Variants in EYA4 observed in about 807,000 individuals in gnomAD.
The protein encoded by EYA4 is protein phosphatase EYA4.
Under a neutral mutation model 87.9 loss-of-function variants are expected in EYA4, and 31 were observed. That is an observed-to-expected ratio of 0.35 (90% CI 0.27 to 0.48). EYA4 has a LOEUF of 0.48. Among genes scored for constraint, EYA4 ranks in the 20% least tolerant of loss-of-function variants. The pLI, the probability that EYA4 is intolerant of heterozygous loss-of-function variation, is 0.99. For synonymous variants in EYA4, 263 were observed against 270.6 expected, an observed-to-expected ratio of 0.97 and a Z score of 0.28; for missense variants, 678 against 761.4, an observed-to-expected ratio of 0.89 and a Z score of 1.29.
intron 1 of EYA4, among the ~76,000 whole-genome samples, chr6:133,244,134 CATA>C (rs1306175541): frequency 6.6e-6 from 1 of 152,138 alleles, no homozygotes; most frequent in Non-Finnish European, 1.5e-5. Flanking sequence ...ACTTGTCTTT[CATA>C]ATAAGTAAAG....
intron 2 of EYA4, among the ~76,000 whole-genome samples, chr6:133,320,744 T>G (rs1466100710): frequency 6.6e-6 from 1 of 152,176 alleles, no homozygotes; most frequent in African/African-American, 2.4e-5. Flanking sequence ...GTGTACCCAT[T>G]GTTTAGGTCC....
At chr6:133,332,804 C>T (rs565322016) in intron 2 of EYA4, among the ~76,000 whole-genome samples, 11 of 150,442 alleles carry the variant, frequency 7.3e-5, no homozygotes, top group South Asian at 4.2e-4. Context: ...CCTCGTGATC[C>T]GCCCGCGTTG....
At chr6:133,477,207 A>C (rs1156861797) in intron 11 of EYA4, among the ~76,000 whole-genome samples, 1 of 152,116 alleles carries the variant, frequency 6.6e-6, no homozygotes, top group East Asian at 1.9e-4. Context: ...AAATGGACTA[A>C]ATGGCTGTGC....
chr6:133,315,399 G>T (rs1014146317), intron 2 of EYA4, among the ~76,000 whole-genome samples: 1 of 152,072 alleles, frequency 6.6e-6, no homozygotes, highest in African/African-American at 2.4e-5. Context: ...CTTTAATTAT[G>T]TGTAAACTTT....
intron 2 of EYA4, among the ~76,000 whole-genome samples, chr6:133,313,265 G>A (rs149325543): frequency 6.6e-6 from 1 of 152,288 alleles, no homozygotes; most frequent in East Asian, 1.9e-4. Flanking sequence ...GAGTAGGAAA[G>A]TTTGCTCCAA....
intron 1 of EYA4, among the ~76,000 whole-genome samples, chr6:133,271,034 C>T (rs370250168): frequency 1.3e-5 from 2 of 152,038 alleles, no homozygotes; most frequent in Non-Finnish European, 2.9e-5. Flanking sequence ...AAGGTAATGT[C>T]GTGGGAACAT....
At chr6:133,376,506 A>G (rs921753926) in intron 2 of EYA4, among the ~76,000 whole-genome samples, 1 of 151,908 alleles carries the variant, frequency 6.6e-6, no homozygotes, top group Non-Finnish European at 1.5e-5. Flanking sequence ...TTTTATTCCC[A>G]TTAATGTTTC....
At chr6:133,496,639 G>A (rs1368752426) in intron 13 of EYA4, among the ~76,000 whole-genome samples, 2 of 50,684 alleles carry the variant, frequency 3.9e-5, no homozygotes, top group Non-Finnish European at 7.9e-5. Context: ...CTGTGCCTAA[G>A]GGCAAACTGA....
intron 19 of EYA4, 40 bp from the exon 20 acceptor site, chr6:133,528,685 C>G (rs1800826164): frequency 7.3e-7 from 1 of 1,366,808 alleles, no homozygotes; most frequent in Non-Finnish European, 1.0e-6. Flanking sequence ...CTCATTCCTT[C>G]CCCTTCTCTC....
intron 1 of EYA4, chr6:133,247,121 CCAAA>C (rs1048277010): frequency 1.3e-5 from 2 of 151,932 alleles, no homozygotes; most frequent in Non-Finnish European, 2.9e-5. Flanking sequence ...TGAGACAAGA[CCAAA>C]CAAAGTATTG....
intron 2 of EYA4, among the ~76,000 whole-genome samples, chr6:133,364,703 G>A (rs933380582): frequency 1.3e-5 from 2 of 152,180 alleles, no homozygotes; most frequent in African/African-American, 2.4e-5. Context: ...AAAGCCAGTG[G>A]TGCACCTTTT....
intron 18 of EYA4, among the ~76,000 whole-genome samples, chr6:133,523,976 C>A (rs1583563667): frequency 6.6e-6 from 1 of 152,256 alleles, no homozygotes; most frequent in East Asian, 1.9e-4. Context: ...CAAAAATAAC[C>A]TGCCCTGGGC....
At chr6:133,493,460 A>C (rs1458134073) in intron 13 of EYA4, among the ~76,000 whole-genome samples, 1 of 152,182 alleles carries the variant, frequency 6.6e-6, no homozygotes, top group Non-Finnish European at 1.5e-5. Flanking sequence ...TGGACTAAAG[A>C]CTTAAATATA....
At position 133,528,860 on chromosome 6, in the gene EYA4, A is replaced by G; in HGVS notation, c.*55A>G. The G allele has an allele frequency of 1.2e-6, 2 of 1,610,682 alleles. No homozygotes were observed. Among genetic ancestry groups the G allele is most frequent in the African/African-American group, 1.3e-5 (1 of 74,866 alleles). On this transcript the variant is annotated 3_prime_UTR_variant, in exon 20 of 20. Transcript: ENST00000355286. ...TATATTTCAAGTACACTGAATTTTT[A>G]TGTGTGATTCAATGCCTCTGGCTCT... is the stretch of plus-strand genomic sequence containing the variant.
At chr6:133,265,393 A>G (rs951543236) in intron 1 of EYA4, among the ~76,000 whole-genome samples, 3 of 152,030 alleles carry the variant, frequency 2.0e-5, no homozygotes, top group Admixed American at 2.0e-4. Flanking sequence ...CGGGAACTAG[A>G]TTATTGGCTC....
At chr6:133,461,732 A>G (rs1478971830) in intron 7 of EYA4, among the ~76,000 whole-genome samples, 1 of 151,674 alleles carries the variant, frequency 6.6e-6, no homozygotes, top group African/African-American at 2.4e-5. Flanking sequence ...GTCTGCCTTT[A>G]CATATATATA....
chr6:133,263,562 A>C (rs1240807882), intron 1 of EYA4, among the ~76,000 whole-genome samples: 1 of 152,200 alleles, frequency 6.6e-6, no homozygotes, highest in Admixed American at 6.5e-5. Flanking sequence ...GAATCATTAG[A>C]TCCAAGTAAT....
intron 5 of EYA4, among the ~76,000 whole-genome samples, chr6:133,454,524 A>G (rs1793741434): frequency 1.3e-5 from 2 of 152,150 alleles, no homozygotes; most frequent in African/African-American, 4.8e-5. Context: ...TGGGGACGTT[A>G]TTTAACCTTT....
At chr6:133,401,373 A>G (rs958224789) in intron 3 of EYA4, among the ~76,000 whole-genome samples, 1 of 106,364 alleles carries the variant, frequency 9.4e-6, no homozygotes, top group African/African-American at 2.5e-5. Flanking sequence ...TCTATTGTAC[A>G]TTTCAAAATC....
Sources: gnomAD v4.1 joint callset for allele counts (sites outside exome capture counted in the v4.1 genomes callset) on GRCh38, gnomAD v4.1.1 for gene constraint, MANE v1.5 for transcripts, NCBI Gene and HGNC (gene_info 2026-07-23, HGNC 2026-07-21) for gene names.